LINGO2: variants seen among roughly 807,000 people sequenced by gnomAD.
The protein encoded by LINGO2 is leucine-rich repeat and immunoglobulin-like domain-containing nogo receptor-interacting protein 2.
A neutral mutation model predicts 30.6 loss-of-function variants in LINGO2; 14 were observed. The ratio of observed to expected loss-of-function variants is 0.46; its 90% CI spans 0.30 to 0.72. The LOEUF (loss-of-function observed/expected upper bound fraction) is 0.72, where lower values mean the gene tolerates loss of function less well. Among genes scored for constraint, LINGO2 ranks in the 30% least tolerant of loss-of-function variants. The pLI is 0.07. For synonymous variants in LINGO2, 317 were observed against 288.5 expected, an observed-to-expected ratio of 1.10 and a Z score of -1.00; for missense variants, 729 against 751.7, an observed-to-expected ratio of 0.97 and a Z score of 0.35.
At chr9:29,116,809 T>G in the LINGO2 span, among the ~76,000 whole-genome samples, 1 of 152,178 alleles carries the variant, frequency 6.6e-6, no homozygotes, top group Non-Finnish European at 1.5e-5. Flanking sequence ...GTGGCTGTCA[T>G]TATTGCTTAA....
the LINGO2 span, among the ~76,000 whole-genome samples, chr9:29,019,669 C>T: frequency 6.2e-3 from 945 of 152,216 alleles, 14 homozygotes; most frequent in African/African-American, 0.022. Context: ...GCGACTGGCA[C>T]AGTACTTTGA....
chr9:27,972,970 A>G (rs1426191726), intron 5 of LINGO2, among the ~76,000 whole-genome samples: 1 of 152,094 alleles, frequency 6.6e-6, no homozygotes, highest in Non-Finnish European at 1.5e-5. Context: ...AAAAAAAGCA[A>G]ATTTTCTCTC....
At chr9:28,392,200 TCAAAAATAAACAAA>T (rs1338776366) in intron 2 of LINGO2, among the ~76,000 whole-genome samples, 1 of 152,176 alleles carries the variant, frequency 6.6e-6, no homozygotes, top group Non-Finnish European at 1.5e-5. Flanking sequence ...AGGCTCCATC[TCAAAAATAAACAAA>T]CAAAAATAAA....
Position 28,157,160 on chromosome 9 carries a change from C to T in LINGO2, c.-87+138048G>A, listed in dbSNP as rs116976856. On this transcript the variant is annotated intron_variant, in intron 4 of 5. Transcript: ENST00000379992. ...CTAGCAGAGGTTCTCCATGAGGGCC[C>T]GCTCCTGCAGCAAACTTCTGCCTGG... is the stretch of plus-strand genomic sequence containing the variant. Among the ~76,000 whole-genome samples the T allele has an allele frequency of 8.2e-3, 1,244 of 152,272 alleles. 17 individuals carry two copies. The highest frequency in any genetic ancestry group is 0.011 in the Non-Finnish European group (748 of 68,024).
intron 2 of LINGO2, among the ~76,000 whole-genome samples, chr9:28,424,091 C>A (rs990987753): frequency 1.2e-4 from 19 of 152,164 alleles, no homozygotes; most frequent in Non-Finnish European, 1.3e-4. Flanking sequence ...GTCTGTCATA[C>A]TAATTTATAA....
chr9:28,749,486 T>C, the LINGO2 span, among the ~76,000 whole-genome samples: 1 of 152,082 alleles, frequency 6.6e-6, no homozygotes, highest in Non-Finnish European at 1.5e-5. Flanking sequence ...GAAAACTAAA[T>C]TGCTCATTTA....
At chr9:28,575,377 T>G (rs1587893219) in intron 1 of LINGO2, among the ~76,000 whole-genome samples, 1 of 145,032 alleles carries the variant, frequency 6.9e-6, no homozygotes, top group South Asian at 2.2e-4. Context: ...CCAGCCCGGG[T>G]GACAGACAGA....
intron 3 of LINGO2, among the ~76,000 whole-genome samples, chr9:28,325,042 C>T (rs1281913649): frequency 6.6e-6 from 1 of 151,736 alleles, no homozygotes; most frequent in African/African-American, 2.4e-5. Flanking sequence ...CTCTTTCAGG[C>T]TCACATACAC....
At chr9:28,870,101 T>C in the LINGO2 span, among the ~76,000 whole-genome samples, 2 of 152,014 alleles carry the variant, frequency 1.3e-5, no homozygotes, top group African/African-American at 4.8e-5. Flanking sequence ...TATTTTCCCA[T>C]TTGTAGACAC....
chr9:29,154,096 G>C, the LINGO2 span, among the ~76,000 whole-genome samples: 1 of 152,102 alleles, frequency 6.6e-6, no homozygotes, highest in Non-Finnish European at 1.5e-5. Flanking sequence ...AATAGTTTTA[G>C]TTAATAGTAT....
chr9:28,036,662 C>G (rs1823951028), intron 4 of LINGO2, among the ~76,000 whole-genome samples: 1 of 152,186 alleles, frequency 6.6e-6, no homozygotes, highest in Admixed American at 6.5e-5. Flanking sequence ...GCAACCTAAC[C>G]TGAGTTGACT....
intron 2 of LINGO2, among the ~76,000 whole-genome samples, chr9:28,434,125 C>T (rs374145206): frequency 6.6e-6 from 1 of 151,410 alleles, no homozygotes. Context: ...CGTATGTTCT[C>T]ACTTACAAGT....
intron 4 of LINGO2, among the ~76,000 whole-genome samples, chr9:28,061,340 A>C (rs913672394): frequency 6.6e-6 from 1 of 151,570 alleles, no homozygotes; most frequent in Non-Finnish European, 1.5e-5. Context: ...CCCAGAATTT[A>C]CCACCACACA....
the LINGO2 span, among the ~76,000 whole-genome samples, chr9:29,181,357 A>G: frequency 1.3e-5 from 2 of 152,304 alleles, no homozygotes; most frequent in Middle Eastern, 6.8e-3. Flanking sequence ...TATATTTTCT[A>G]TTATAGTGCT....
At chr9:28,784,749 C>A in the LINGO2 span, among the ~76,000 whole-genome samples, 1 of 151,966 alleles carries the variant, frequency 6.6e-6, no homozygotes, top group African/African-American at 2.4e-5. Flanking sequence ...GTCAGGAGAT[C>A]GAGACCATCC....
chr9:28,784,858 G>A, the LINGO2 span, among the ~76,000 whole-genome samples: 102 of 151,744 alleles, frequency 6.7e-4, no homozygotes, highest in African/African-American at 2.5e-3. Flanking sequence ...TGAGGCAGGA[G>A]AATTGCTGGA....
chr9:29,167,074 A>G, the LINGO2 span, among the ~76,000 whole-genome samples: 22 of 152,236 alleles, frequency 1.4e-4, no homozygotes, highest in South Asian at 4.3e-3. Flanking sequence ...TATACATTGT[A>G]AACAATAATT....
chr9:28,442,566 T>A (rs1824243582), intron 2 of LINGO2, among the ~76,000 whole-genome samples: 1 of 152,176 alleles, frequency 6.6e-6, no homozygotes, highest in Admixed American at 6.5e-5. Context: ...CTATTTTTCT[T>A]TTTTATTCTC....
intron 4 of LINGO2, among the ~76,000 whole-genome samples, chr9:28,078,231 C>T (rs1478257797): frequency 6.7e-6 from 1 of 148,960 alleles, no homozygotes; most frequent in Admixed American, 6.6e-5. Flanking sequence ...GATGAGTTAA[C>T]ACTCAGGAAG....
Sources: gnomAD v4.1 joint callset for allele counts (sites outside exome capture counted in the v4.1 genomes callset) on GRCh38, gnomAD v4.1.1 for gene constraint, MANE v1.5 for transcripts, NCBI Gene and HGNC (gene_info 2026-07-23, HGNC 2026-07-21) for gene names.